The following STX7 variants were observed in gnomAD, a reference collection of about 807,000 sequenced individuals.
STX7 encodes syntaxin-7.
A neutral mutation model predicts 39.6 loss-of-function variants in STX7; 34 were observed. The observed-to-expected ratio is 0.86, with a 90% CI of 0.65 to 1.14. The LOEUF (loss-of-function observed/expected upper bound fraction) is 1.14, where lower values mean the gene tolerates loss of function less well. Ranked by LOEUF, STX7 falls within the 50% of genes most tolerant of loss-of-function variation. STX7 has a pLI of 0.00. For missense variants in STX7, 284 were observed against 310.4 expected (o/e 0.92, Z 0.64); for synonymous variants, 119 against 99.1 (o/e 1.20, Z -1.19).
At chr6:132,476,498 TTAAAA>T (rs1359518665) in intron 2 of STX7, among the ~76,000 whole-genome samples, 1 of 151,966 alleles carries the variant, frequency 6.6e-6, no homozygotes, top group Non-Finnish European at 1.5e-5. Context: ...AATTAAGGAA[TTAAAA>T]TACCCAAAAG....
intron 2 of STX7, among the ~76,000 whole-genome samples, chr6:132,476,712 G>C (rs1774884912): frequency 6.6e-6 from 1 of 152,032 alleles, no homozygotes; most frequent in African/African-American, 2.4e-5. Flanking sequence ...GTGAGGTTTA[G>C]AAAAGATTTT....
intron 2 of STX7, among the ~76,000 whole-genome samples, chr6:132,490,425 C>T (rs9483466): frequency 0.016 from 2,495 of 152,198 alleles, 56 homozygotes; most frequent in African/African-American, 0.054. Flanking sequence ...TATAGAAACA[C>T]GGTAGAAGCA....
intron 3 of STX7, among the ~76,000 whole-genome samples, chr6:132,474,155 G>A (rs1470045788): frequency 2.0e-5 from 3 of 147,482 alleles, no homozygotes. Flanking sequence ...TTGAGCCTAG[G>A]AGGTCCAGGC....
chr6:132,455,151 G>C lies in STX7; in HGVS notation c.*5607C>G, dbSNP rs1340442195. Reference sequence around the variant, plus strand: ...CACCGTCAAGTTTTTAGCTATACAAGTTATTAAAAAAGCAAAAGCTTGCAT... The same window carrying C: ...CACCGTCAAGTTTTTAGCTATACAACTTATTAAAAAAGCAAAAGCTTGCAT... On this transcript the variant is annotated 3_prime_UTR_variant, in exon 10 of 10. Coordinates refer to ENST00000367941, the MANE Select transcript of STX7 (RefSeq NM_003569.3). 3 of 152,116 alleles carry C rather than the reference G, an allele frequency of 2.0e-5. No homozygotes were observed. The highest frequency in any genetic ancestry group is 4.4e-5 in the Non-Finnish European group (3 of 68,018). The allele number at this position is 152,116 out of a possible 1,614,324, so 9.4% of individuals were successfully genotyped here. A position where few individuals can be genotyped will look rare whatever the true frequency, so the allele number is the denominator to read the frequency against.
chr6:132,476,768 C>T (rs17192117), intron 2 of STX7, among the ~76,000 whole-genome samples: 5,366 of 152,002 alleles, frequency 0.035, 150 homozygotes, highest in South Asian at 0.11. Flanking sequence ...ACTCACAATC[C>T]GGAAGTCTAT....
rs1774299762 is a variant in STX7, at chr6:132,458,325, C to G, written c.*2433G>C. The G allele has an allele frequency of 6.6e-6, 1 of 151,994 alleles. No individual in the cohort carries two copies. Among genetic ancestry groups the G allele is most frequent in the Admixed American group, 6.6e-5 (1 of 15,254 alleles). The allele number at this position is 151,994 out of a possible 1,614,324, so 9.4% of individuals were successfully genotyped here. On this transcript the variant is annotated 3_prime_UTR_variant, in exon 10 of 10. Coordinates refer to ENST00000367941, the MANE Select transcript of STX7 (RefSeq NM_003569.3). Reference sequence around the variant, plus strand: ...ACTTGTAAAAGAGATGGTCCCACACCTACTAAAAAAACAAGCTACTCTAGT... The same window carrying G: ...ACTTGTAAAAGAGATGGTCCCACACGTACTAAAAAAACAAGCTACTCTAGT...
At chr6:132,476,823 G>C (rs953108524) in intron 2 of STX7, among the ~76,000 whole-genome samples, 6 of 152,006 alleles carry the variant, frequency 3.9e-5, no homozygotes, top group Non-Finnish European at 8.8e-5. Context: ...AAAAGGGGAG[G>C]ACCTACAGTT....
intron 8 of STX7, among the ~76,000 whole-genome samples, chr6:132,467,182 A>C (rs1774585086): frequency 6.6e-6 from 1 of 152,072 alleles, no homozygotes; most frequent in African/African-American, 2.4e-5. Flanking sequence ...AAATCTTCCT[A>C]CCTGACATCA....
rs1774003381 is a variant in STX7 at position 132,445,969 on chromosome 6, T to A, written c.*14789A>T. 6.6e-6 allele frequency: 1 copy of A among 152,202 alleles called. No homozygotes were observed. Among genetic ancestry groups the A allele is most frequent in the African/African-American group, 2.4e-5 (1 of 41,456 alleles). 9.4% of individuals were successfully genotyped at this position (152,202 alleles called of 1,614,324 possible). On this transcript the variant is annotated 3_prime_UTR_variant, in exon 10 of 10. Transcript: ENST00000367941. ...GGGGTTGTTATTACAATCTCTTCAGTGTTCAAGGTTTCTAAAATTCTCAAT... is the reference window on the plus strand; with the variant it reads ...GGGGTTGTTATTACAATCTCTTCAGAGTTCAAGGTTTCTAAAATTCTCAAT...
rs926852876 is a variant in STX7, at chr6:132,451,059, A to T, written c.*9699T>A. The T allele has an allele frequency of 4.6e-5, 7 of 152,132 alleles. No homozygotes were observed. Among genetic ancestry groups the T allele is most frequent in the African/African-American group, 1.7e-4 (7 of 41,454 alleles). 9.4% of individuals were successfully genotyped at this position (152,132 alleles called of 1,614,324 possible). On this transcript the variant is annotated 3_prime_UTR_variant, in exon 10 of 10. Coordinates refer to ENST00000367941, the MANE Select transcript of STX7 (RefSeq NM_003569.3). ...CTATCTATAGGGACCAAAACAATTT[A>T]AAAAACTGGATTTCTCATGGGGAAC... is the stretch of plus-strand genomic sequence containing the variant.
At chr6:132,511,749 T>C (rs1775850993) in intron 1 of STX7, among the ~76,000 whole-genome samples, 1 of 152,240 alleles carries the variant, frequency 6.6e-6, no homozygotes, top group Non-Finnish European at 1.5e-5. Flanking sequence ...GTTTTTTTCA[T>C]ACTTTCACAC....
chr6:132,479,293 A>C (rs532437082), intron 2 of STX7, among the ~76,000 whole-genome samples: 10 of 152,358 alleles, frequency 6.6e-5, no homozygotes, highest in African/African-American at 2.4e-4. Flanking sequence ...TGGTATAAGC[A>C]GATCTACAAC....
rs1326046162 is a variant in STX7 at position 132,447,633 on chromosome 6, T to C, written c.*13125A>G. ...ACTGTTATACCTACTTCAGTTGAAATTTTTATTATTTTTGAGAGTCTCCTT... is the reference window on the plus strand; with the variant it reads ...ACTGTTATACCTACTTCAGTTGAAACTTTTATTATTTTTGAGAGTCTCCTT... On this transcript the variant is annotated 3_prime_UTR_variant, in exon 10 of 10. Coordinates refer to ENST00000367941, the MANE Select transcript of STX7 (RefSeq NM_003569.3). The C allele has an allele frequency of 6.6e-6, 1 of 152,102 alleles. No individual in the cohort carries two copies. Among genetic ancestry groups the C allele is most frequent in the East Asian group, 1.9e-4 (1 of 5,194 alleles). 9.4% of individuals were successfully genotyped at this position (152,102 alleles called of 1,614,324 possible). A position where few individuals can be genotyped will look rare whatever the true frequency, so the allele number is the denominator to read the frequency against.
At chr6:132,464,176 TA>T (rs1774498314) in intron 8 of STX7, 101 bp from the exon 9 acceptor site, 1 of 1,174,858 alleles carries the variant, frequency 8.5e-7, no homozygotes, top group Non-Finnish European at 1.3e-6. Flanking sequence ...ATATGGTCAT[TA>T]TTCAAAGGTT....
intron 2 of STX7, among the ~76,000 whole-genome samples, chr6:132,489,438 T>C (rs1157263910): frequency 6.6e-6 from 1 of 152,136 alleles, no homozygotes; most frequent in Admixed American, 6.5e-5. Context: ...TTCTAAAAAG[T>C]GTATCACAAG....
intron 2 of STX7, among the ~76,000 whole-genome samples, chr6:132,489,131 G>C (rs1011852011): frequency 3.4e-5 from 5 of 148,764 alleles, no homozygotes; most frequent in African/African-American, 5.0e-5. Context: ...GAACCCAGAG[G>C]AAGAGGTTGC....
chr6:132,498,043 G>C (rs1402532982), intron 2 of STX7, among the ~76,000 whole-genome samples: 1 of 152,176 alleles, frequency 6.6e-6, no homozygotes, highest in Non-Finnish European at 1.5e-5. Flanking sequence ...TGCTAGGCCA[G>C]CAACAGAGAA....
chr6:132,466,068 T>A (rs570989954), intron 8 of STX7, among the ~76,000 whole-genome samples: 3 of 152,334 alleles, frequency 2.0e-5, no homozygotes, highest in African/African-American at 7.2e-5. Flanking sequence ...GAAAGAGTTA[T>A]CTATACTTGG....
chr6:132,513,159 C>T (rs1232312483), upstream of STX7: 1 of 152,310 alleles, frequency 6.6e-6, no homozygotes, highest in Non-Finnish European at 1.5e-5. Flanking sequence ...GGGTTCACCC[C>T]TTTTCTATTG....
Sources: gnomAD v4.1 joint callset for allele counts (sites outside exome capture counted in the v4.1 genomes callset) on GRCh38, gnomAD v4.1.1 for gene constraint, MANE v1.5 for transcripts, NCBI Gene and HGNC (gene_info 2026-07-23, HGNC 2026-07-21) for gene names.